BTBD9: variants seen among roughly 807,000 people sequenced by gnomAD.
BTBD9 encodes BTB domain containing 9, also known as BTB/POZ domain-containing protein 9.
A neutral mutation model predicts 64.3 loss-of-function variants in BTBD9; 49 were observed. That is an observed-to-expected ratio of 0.76 (90% CI 0.61 to 0.97). The LOEUF is 0.97. Among genes scored for constraint, BTBD9 ranks in the 50% least tolerant of loss-of-function variants. BTBD9 has a pLI of 0.00. For synonymous variants in BTBD9, 260 were observed against 274.7 expected (o/e 0.95, Z 0.53); for missense variants, 598 against 762.1 (o/e 0.78, Z 2.53).
intron 6 of BTBD9, among the ~76,000 whole-genome samples, chr6:38,398,993 T>C (rs1436263255): frequency 6.6e-6 from 1 of 152,174 alleles, no homozygotes; most frequent in Non-Finnish European, 1.5e-5. Context: ...AAAAGGTTTG[T>C]TTTTAAAATA....
At chr6:38,380,087 T>C (rs1236541991) in intron 6 of BTBD9, among the ~76,000 whole-genome samples, 1 of 152,206 alleles carries the variant, frequency 6.6e-6, no homozygotes, top group East Asian at 1.9e-4. Flanking sequence ...ATATACTATA[T>C]GCTCTTTAGT....
chr6:38,605,903 A>T (rs865881329), intron 1 of BTBD9, among the ~76,000 whole-genome samples: 1 of 152,198 alleles, frequency 6.6e-6, no homozygotes, highest in South Asian at 2.1e-4. Flanking sequence ...TTGCCAAAGA[A>T]GATTAACATT....
At chr6:38,361,671 T>C (rs1764967371) in intron 6 of BTBD9, among the ~76,000 whole-genome samples, 1 of 151,908 alleles carries the variant, frequency 6.6e-6, no homozygotes, top group Non-Finnish European at 1.5e-5. Context: ...AGACACCCCG[T>C]TTCTACTAAA....
chr6:38,350,495 T>C (rs560908106), intron 6 of BTBD9, among the ~76,000 whole-genome samples: 2 of 152,362 alleles, frequency 1.3e-5, no homozygotes, highest in East Asian at 3.9e-4. Flanking sequence ...ACCTAACTTC[T>C]GTACTGAGCA....
chr6:38,363,625 C>T (rs753744138), intron 6 of BTBD9, among the ~76,000 whole-genome samples: 2 of 152,036 alleles, frequency 1.3e-5, no homozygotes, highest in Non-Finnish European at 2.9e-5. Context: ...TAATACACTC[C>T]AATTCTATTG....
chr6:38,292,424 C>T (rs927514343), intron 7 of BTBD9, among the ~76,000 whole-genome samples: 1 of 152,086 alleles, frequency 6.6e-6, no homozygotes, highest in Non-Finnish European at 1.5e-5. Flanking sequence ...TGGTAGAATT[C>T]GGCTGTGAAT....
chr6:38,476,359 T>C lies in BTBD9; in HGVS notation c.1154+101241A>G, dbSNP rs909678791. On this transcript the variant is annotated intron_variant, in intron 6 of 10. Coordinates refer to ENST00000481247, the MANE Select transcript of BTBD9 (RefSeq NM_001099272.2). The stretch of plus-strand genomic sequence containing the variant: ...GAAGCCAGGGTGCATAACATGTGCT[T>C]ATGAGCCAGCCTGAAAAGTACACAT... Among the ~76,000 whole-genome samples the C allele has an allele frequency of 1.7e-4, 26 of 152,276 alleles. No homozygotes were observed. The East Asian group carries it at 4.8e-3, about 28-fold the overall frequency.
chr6:38,536,265 C>T (rs1285964370), intron 6 of BTBD9, among the ~76,000 whole-genome samples: 1 of 152,128 alleles, frequency 6.6e-6, no homozygotes, highest in Non-Finnish European at 1.5e-5. Context: ...CCATTCAAAA[C>T]TGAAATGAGG....
At chr6:38,199,807 C>T (rs1762395886) in intron 9 of BTBD9, among the ~76,000 whole-genome samples, 1 of 152,190 alleles carries the variant, frequency 6.6e-6, no homozygotes, top group Non-Finnish European at 1.5e-5. Flanking sequence ...GTGAAGCCCA[C>T]AAACCCATCC....
intron 6 of BTBD9, among the ~76,000 whole-genome samples, chr6:38,394,476 C>A (rs1028830597): frequency 6.6e-6 from 1 of 152,138 alleles, no homozygotes; most frequent in Non-Finnish European, 1.5e-5. Context: ...AGAGACAAGT[C>A]AGGGCATGCC....
intron 6 of BTBD9, among the ~76,000 whole-genome samples, chr6:38,544,645 G>C (rs1051628486): frequency 6.6e-6 from 1 of 152,024 alleles, no homozygotes; most frequent in Non-Finnish European, 1.5e-5. Flanking sequence ...TGAGGGTGTG[G>C]GCCAGGCTCG....
intron 9 of BTBD9, among the ~76,000 whole-genome samples, chr6:38,248,268 T>C (rs79900194): frequency 6.6e-6 from 1 of 152,116 alleles, no homozygotes. Flanking sequence ...TGGCAGGAAA[T>C]AGAAAGTTTG....
Position 38,288,629 on chromosome 6 carries a change from C to T in BTBD9, c.1265-168G>A, listed in dbSNP as rs1474270854. Among the ~76,000 whole-genome samples, 4 of 152,180 alleles carry T rather than the reference C, an allele frequency of 2.6e-5. No individual in the cohort carries two copies. In the East Asian group the frequency reaches 7.7e-4, roughly 29 times the overall value. On this transcript the variant is annotated intron_variant, in intron 7 of 10. Coordinates refer to ENST00000481247, the MANE Select transcript of BTBD9 (RefSeq NM_001099272.2). ...TGAATACATTTTCCATGCCAAATAG[C>T]TTTTTAAAAAATGTTAAGCCCAGTG...
chr6:38,202,162 G>A (rs1158092600), intron 9 of BTBD9, among the ~76,000 whole-genome samples: 1 of 139,448 alleles, frequency 7.2e-6, no homozygotes, highest in African/African-American at 2.7e-5. Flanking sequence ...TCAGCTCACT[G>A]CAACCTCCAC....
In BTBD9 at chr6:38,169,770, C is replaced by G. The variant is rs1270932584; in HGVS notation, c.*5215G>C. 1 of 151,802 alleles carries G rather than the reference C, an allele frequency of 6.6e-6. No individual in the cohort carries two copies. The highest frequency in any genetic ancestry group is 1.5e-5 in the Non-Finnish European group (1 of 67,924). The allele number at this position is 151,802 out of a possible 1,614,324, so 9.4% of individuals were successfully genotyped here. A position where few individuals can be genotyped will look rare whatever the true frequency, so the allele number is the denominator to read the frequency against. ...GGGCCTCCTCCACCCCCCCTCCCCC[C>G]CGCCCATTCAGGGCTATAAATACTC... On this transcript the variant is annotated 3_prime_UTR_variant, in exon 11 of 11. Coordinates refer to ENST00000481247, the MANE Select transcript of BTBD9 (RefSeq NM_001099272.2).
chr6:38,380,956 G>C (rs1470003569), intron 6 of BTBD9, among the ~76,000 whole-genome samples: 1 of 152,112 alleles, frequency 6.6e-6, no homozygotes, highest in Non-Finnish European at 1.5e-5. Context: ...CTGAAATCTA[G>C]TATAACCACT....
At chr6:38,196,686 C>T (rs1487152514) in intron 9 of BTBD9, among the ~76,000 whole-genome samples, 1 of 152,188 alleles carries the variant, frequency 6.6e-6, no homozygotes, top group Non-Finnish European at 1.5e-5. Flanking sequence ...GTAATCTCAC[C>T]AGGGAGATGA....
chr6:38,182,981 C>CTT (rs34180118), intron 10 of BTBD9, among the ~76,000 whole-genome samples: 2 of 142,912 alleles, frequency 1.4e-5, no homozygotes, highest in Admixed American at 6.9e-5. Context: ...AAAAGGTCTT[C>CTT]TTTTTTTTTT....
intron 6 of BTBD9, among the ~76,000 whole-genome samples, chr6:38,412,177 A>G (rs1443703714): frequency 6.6e-6 from 1 of 152,068 alleles, no homozygotes; most frequent in East Asian, 1.9e-4. Flanking sequence ...CAAAAGTACA[A>G]ACAAAAAACT....
Sources: allele counts gnomAD v4.1 joint callset (sites outside exome capture counted in the v4.1 genomes callset), GRCh38; gene constraint gnomAD v4.1.1; transcripts MANE v1.5; gene names NCBI Gene and HGNC (gene_info 2026-07-23, HGNC 2026-07-21).